The following AAK1 variants were observed in gnomAD, a reference collection of about 807,000 sequenced individuals.
AAK1 encodes AP2-associated protein kinase 1.
Under a neutral mutation model 116.0 loss-of-function variants are expected in AAK1, and 37 were observed. The ratio of observed to expected loss-of-function variants is 0.32; its 90% CI spans 0.25 to 0.42. The LOEUF (loss-of-function observed/expected upper bound fraction) is 0.42, where lower values mean the gene tolerates loss of function less well. AAK1 is among the 10% of genes least tolerant of loss of function. The probability of loss-of-function intolerance (pLI) is 1.00; values close to 1 mark genes in which losing one functional copy is unlikely to be tolerated. For synonymous variants in AAK1, 458 were observed against 439.9 expected, an observed-to-expected ratio of 1.04 and a Z score of -0.51; for missense variants, 919 against 1,170.6, an observed-to-expected ratio of 0.79 and a Z score of 3.14.
chr2:69,500,698 T>TATACACACACAC, intron 16 of AAK1, among the ~76,000 whole-genome samples: 32 of 65,092 alleles, frequency 4.9e-4, no homozygotes, highest in African/African-American at 2.2e-3. Flanking sequence ...TATATATATA[T>TATACACACACAC]ACACACACAC....
In AAK1 at chr2:69,600,020, G is replaced by T. The variant is rs566392238; in HGVS notation, c.163+42858C>A. Among the ~76,000 whole-genome samples the T allele has an allele frequency of 1.6e-3, 238 of 151,606 alleles. 1 individual carries two copies. Among genetic ancestry groups the T allele is most frequent in the Non-Finnish European group, 2.5e-3 (167 of 67,904 alleles). On this transcript the variant is annotated intron_variant, in intron 2 of 21. Coordinates refer to ENST00000409085, the MANE Select transcript of AAK1 (RefSeq NM_014911.5). ...TGGTCTTGAACTCCTGGGCTCAAGGGATCCTCCTTCCTTGGCCTCCCAAAG... is the reference window on the plus strand; with the variant it reads ...TGGTCTTGAACTCCTGGGCTCAAGGTATCCTCCTTCCTTGGCCTCCCAAAG...
Position 69,611,529 on chromosome 2 carries a change from T to G in AAK1, c.163+31349A>C, listed in dbSNP as rs1674080476. 2.0e-5 allele frequency among the ~76,000 whole-genome samples: 3 copies of G among 152,232 alleles called. No homozygotes were observed. In the South Asian group the frequency reaches 6.2e-4, roughly 31 times the overall value. ...CTAATGGCTTCTCTCTCCCCGAGCT[T>G]GCAGATGGCCTATCATGGGACTTTG... On this transcript the variant is annotated intron_variant, in intron 2 of 21. Coordinates refer to ENST00000409085, the MANE Select transcript of AAK1 (RefSeq NM_014911.5).
At position 69,466,393 on chromosome 2, in the gene AAK1, G is replaced by A. The variant is rs748050049; in HGVS notation, c.*9476C>T. ...CTGTGGAATGAGCTGTTGCTTGAAGGGCCATCTCTGGCCAAGTAGTCAGAT... is the reference window on the plus strand; with the variant it reads ...CTGTGGAATGAGCTGTTGCTTGAAGAGCCATCTCTGGCCAAGTAGTCAGAT... On this transcript the variant is annotated 3_prime_UTR_variant, in exon 22 of 22. Coordinates refer to ENST00000409085, the MANE Select transcript of AAK1 (RefSeq NM_014911.5). 1.0e-5 allele frequency: 13 copies of A among 1,289,804 alleles called. 1 individual carries two copies. In the South Asian group the frequency reaches 1.5e-4, roughly 15 times the overall value. 79.9% of individuals were successfully genotyped at this position (1,289,804 alleles called of 1,614,324 possible).
chr2:69,518,931 G>C (rs1676704863), intron 12 of AAK1, 23 bp downstream of exon 12: 1 of 1,515,970 alleles, frequency 6.6e-7, no homozygotes, highest in Non-Finnish European at 8.9e-7. Flanking sequence ...ATGCAAGCAA[G>C]GGCCACACTC....
At chr2:69,522,611 C>A (rs1281040699) in intron 10 of AAK1, among the ~76,000 whole-genome samples, 1 of 152,110 alleles carries the variant, frequency 6.6e-6, no homozygotes, top group Admixed American at 6.5e-5. Context: ...TGAGACCAGC[C>A]TGGCCAACAT....
In AAK1 at chr2:69,466,027, G is replaced by A; in HGVS notation, c.*9842C>T. ...ACGTCTGACTCCTCTGGCTGGGAAGGAGCCATACTGCTCTTGGAGACAAAT... is the reference window on the plus strand; with the variant it reads ...ACGTCTGACTCCTCTGGCTGGGAAGAAGCCATACTGCTCTTGGAGACAAAT... On this transcript the variant is annotated 3_prime_UTR_variant, in exon 22 of 22. Coordinates refer to ENST00000409085, the MANE Select transcript of AAK1 (RefSeq NM_014911.5). The A allele has an allele frequency of 7.7e-7, 1 of 1,290,922 alleles. No individual in the cohort carries two copies. The highest frequency in any genetic ancestry group is 1.0e-6 in the Non-Finnish European group (1 of 988,888). 80.0% of individuals were successfully genotyped at this position (1,290,922 alleles called of 1,614,324 possible). A position where few individuals can be genotyped will look rare whatever the true frequency, so the allele number is the denominator to read the frequency against.
intron 2 of AAK1, among the ~76,000 whole-genome samples, chr2:69,616,893 G>A (rs1418041924): frequency 6.6e-6 from 1 of 152,010 alleles, no homozygotes; most frequent in Non-Finnish European, 1.5e-5. Flanking sequence ...TGGTTATAAT[G>A]CCCTTTTTCT....
At chr2:69,579,094 A>G (rs1672438273) in intron 2 of AAK1, among the ~76,000 whole-genome samples, 1 of 151,940 alleles carries the variant, frequency 6.6e-6, no homozygotes, top group Non-Finnish European at 1.5e-5. Flanking sequence ...CTCTTTTACA[A>G]CTAGACATTT....
At chr2:69,504,542 CAGATCACCTG>C (rs1676106236) in intron 16 of AAK1, among the ~76,000 whole-genome samples, 1 of 151,946 alleles carries the variant, frequency 6.6e-6, no homozygotes, top group African/African-American at 2.4e-5. Context: ...CCAAGGCAGG[CAGATCACCTG>C]AGATCAGGAG....
chr2:69,623,239 C>G (rs181240451), intron 2 of AAK1, among the ~76,000 whole-genome samples: 1 of 152,298 alleles, frequency 6.6e-6, no homozygotes, highest in African/African-American at 2.4e-5. Flanking sequence ...TCCAAACACA[C>G]CGCCTTTAAG....
At chr2:69,609,617 T>C (rs181994466) in intron 2 of AAK1, among the ~76,000 whole-genome samples, 260 of 152,226 alleles carry the variant, frequency 1.7e-3, no homozygotes, top group Non-Finnish European at 2.8e-3. Flanking sequence ...TGAGCCGAGA[T>C]TGTGCCATTG....
chr2:69,532,900 CAAATCT>C (rs1346374456), intron 5 of AAK1, among the ~76,000 whole-genome samples: 1 of 152,042 alleles, frequency 6.6e-6, no homozygotes, highest in Non-Finnish European at 1.5e-5. Context: ...TATAAAGCCC[CAAATCT>C]AGAGAAATCC....
chr2:69,570,528 C>T (rs987802642), intron 2 of AAK1, among the ~76,000 whole-genome samples: 2 of 152,106 alleles, frequency 1.3e-5, no homozygotes, highest in East Asian at 1.9e-4. Context: ...CTTGTTATTC[C>T]TACCAGTGTA....
intron 3 of AAK1, among the ~76,000 whole-genome samples, chr2:69,548,557 TTTC>T (rs1415444296): frequency 3.3e-5 from 5 of 151,208 alleles, no homozygotes; most frequent in Non-Finnish European, 7.4e-5. Context: ...TTCCTCTTTC[TTTC>T]TTTTCTTTCT....
intron 2 of AAK1, among the ~76,000 whole-genome samples, chr2:69,564,504 A>C (rs1225657136): frequency 6.6e-6 from 1 of 152,232 alleles, no homozygotes; most frequent in Non-Finnish European, 1.5e-5. Context: ...GTATTTTATA[A>C]AGACAAAAAG....
intron 17 of AAK1, among the ~76,000 whole-genome samples, chr2:69,484,867 T>TC (rs1280308615): frequency 7.3e-6 from 1 of 136,106 alleles, no homozygotes; most frequent in African/African-American, 2.8e-5. Context: ...AGAGTGAGTC[T>TC]CAAAAAAAAA....
At position 69,519,138 on chromosome 2, in the gene AAK1, G is replaced by C. The variant is rs1368985158; in HGVS notation, c.1313C>G (p.Ala438Gly). 1.9e-6 allele frequency: 3 copies of C among 1,568,666 alleles called. No individual in the cohort carries two copies. Among genetic ancestry groups the C allele is most frequent in the Non-Finnish European group, 2.6e-6 (3 of 1,156,072 alleles). Reference protein sequence around the residue: ...LPQTQAKQPQAPPTPQQTPST... With the variant: ...LPQTQAKQPQGPPTPQQTPST... Reference sequence around the variant, plus strand: ...AGGCGTCTGCTGTGGAGTGGGAGGAGCCTGTGGCTGCTTGGCCTGAGTTTG... The same window carrying C: ...AGGCGTCTGCTGTGGAGTGGGAGGACCCTGTGGCTGCTTGGCCTGAGTTTG... The change falls in exon 12 of 22, where the codon GCT becomes GGT. Residue 438 changes from alanine (A) to glycine (G), a missense_variant. Physicochemically the swap from Ala to Gly is moderately conservative, Grantham distance 60 (BLOSUM62 0). Around this residue, in one of 4 missense-constraint regions of AAK1, gnomAD observed 214 missense variants for 210.6 expected, o/e 1.02. Coordinates refer to ENST00000409085, the MANE Select transcript of AAK1 (RefSeq NM_014911.5).
At chr2:69,637,833 ACCAGGGTACAAGTGTATGTCT>A (rs1675517701) in intron 2 of AAK1, among the ~76,000 whole-genome samples, 2 of 152,114 alleles carry the variant, frequency 1.3e-5, no homozygotes, top group Admixed American at 6.5e-5. Context: ...CGTTTTAGCT[ACCAGGGTACAAGTGTATGTCT>A]CCCCTCATAC....
intron 2 of AAK1, among the ~76,000 whole-genome samples, chr2:69,588,534 C>A (rs1164912714): frequency 6.6e-6 from 1 of 152,190 alleles, no homozygotes; most frequent in Non-Finnish European, 1.5e-5. Context: ...ACGCAGGTAT[C>A]CAGAAATCCT....
Sources: allele counts gnomAD v4.1 joint callset (sites outside exome capture counted in the v4.1 genomes callset), GRCh38; gene constraint gnomAD v4.1.1; regional missense constraint gnomAD v4.1.1; transcripts MANE v1.5; gene names NCBI Gene and HGNC (gene_info 2026-07-23, HGNC 2026-07-21).